RUFY3: variants seen among roughly 807,000 people sequenced by gnomAD.
RUFY3 encodes the protein protein RUFY3.
In RUFY3, 34 loss-of-function variants were observed where a neutral mutation model predicts 84.0. That is an observed-to-expected ratio of 0.40 (90% CI 0.31 to 0.54). The LOEUF (loss-of-function observed/expected upper bound fraction) is 0.54, where lower values mean the gene tolerates loss of function less well. RUFY3 is among the 20% of genes least tolerant of loss of function. The pLI is 0.39. For missense variants in RUFY3, 507 were observed against 736.8 expected, an observed-to-expected ratio of 0.69 and a Z score of 3.61; for synonymous variants, 242 against 252.9, an observed-to-expected ratio of 0.96 and a Z score of 0.41.
chr4:70,707,465 C>T (rs993631327), intron 1 of RUFY3, among the ~76,000 whole-genome samples: 2 of 152,122 alleles, frequency 1.3e-5, no homozygotes, highest in African/African-American at 4.8e-5. Context: ...AGGCTGTTAT[C>T]GAACTCCTGA....
At chr4:70,744,904 C>T (rs1721949007) in intron 1 of RUFY3, among the ~76,000 whole-genome samples, 1 of 151,880 alleles carries the variant, frequency 6.6e-6, no homozygotes, top group Admixed American at 6.6e-5. Context: ...ATGCGCCCGC[C>T]TCAGGCTCCC....
chr4:70,774,644 A>AAAAAAAAAAAAAT (rs1553916771), intron 6 of RUFY3, among the ~76,000 whole-genome samples: 2 of 56,678 alleles, frequency 3.5e-5, no homozygotes, highest in Non-Finnish European at 6.2e-5. Context: ...AAAAAAAAAA[A>AAAAAAAAAAAAAT]ATATATATAT....
intron 4 of RUFY3, among the ~76,000 whole-genome samples, chr4:70,768,200 A>G (rs1726320392): frequency 6.6e-6 from 1 of 152,178 alleles, no homozygotes. Context: ...CACAAGTACA[A>G]ATATGTCAGA....
intron 1 of RUFY3, among the ~76,000 whole-genome samples, chr4:70,747,363 T>A (rs997860278): frequency 6.6e-6 from 1 of 152,200 alleles, no homozygotes; most frequent in Admixed American, 6.5e-5. Flanking sequence ...ATACATAGCC[T>A]TACTATATAG....
chr4:70,748,419 C>T (rs1722580602), intron 1 of RUFY3, among the ~76,000 whole-genome samples: 1 of 152,178 alleles, frequency 6.6e-6, no homozygotes, highest in African/African-American at 2.4e-5. Context: ...TGAGATTTAT[C>T]ACACTTTTAT....
upstream of RUFY3, among the ~76,000 whole-genome samples, chr4:70,718,662 T>G (rs534149872): frequency 6.6e-6 from 1 of 152,224 alleles, no homozygotes; most frequent in Non-Finnish European, 1.5e-5. Context: ...TAACTTCATA[T>G]TCAAAGCTAA....
chr4:70,761,517 A>G (rs1355324356), intron 1 of RUFY3, among the ~76,000 whole-genome samples: 1 of 152,180 alleles, frequency 6.6e-6, no homozygotes, highest in African/African-American at 2.4e-5. Context: ...TTTACTCTCT[A>G]AGTCTCATTT....
intron 1 of RUFY3, among the ~76,000 whole-genome samples, chr4:70,729,446 C>A (rs935352197): frequency 6.6e-6 from 1 of 151,960 alleles, no homozygotes; most frequent in Non-Finnish European, 1.5e-5. Flanking sequence ...TTAGTAGAGA[C>A]GAGGTTTCCC....
At position 70,787,168 on chromosome 4, in the gene RUFY3, G is replaced by GAAAAAAAAAA. The variant is rs71211959; in HGVS notation, c.1072-1627_1072-1618dup. Reference sequence around the variant, plus strand: ...GGTGACAAAGTGAGACCCTGTCTCAGAAAAAAAAAAAAAAAAAAAATATAT... The same window carrying GAAAAAAAAAA: ...GGTGACAAAGTGAGACCCTGTCTCAGAAAAAAAAAAAAAAAAAAAAAAAAAAAAAATATAT... On this transcript the variant is annotated intron_variant, in intron 10 of 17. Transcript: ENST00000381006. Among the ~76,000 whole-genome samples, 44 of 52,998 alleles carry GAAAAAAAAAA rather than the reference G, an allele frequency of 8.3e-4. 3 individuals are homozygous for GAAAAAAAAAA. Among genetic ancestry groups the GAAAAAAAAAA allele is most frequent in the African/African-American group, 3.7e-3 (43 of 11,524 alleles). 34.8% of individuals were successfully genotyped at this position (52,998 alleles called of 152,430 possible).
intron 1 of RUFY3, among the ~76,000 whole-genome samples, chr4:70,728,896 T>A (rs77082855): frequency 1.3e-5 from 2 of 151,164 alleles, no homozygotes; most frequent in Non-Finnish European, 3.0e-5. Flanking sequence ...TTTTTTTTTT[T>A]AAATGAGGCC....
At chr4:70,794,244 A>G (rs1408818234) in intron 13 of RUFY3, among the ~76,000 whole-genome samples, 1 of 152,174 alleles carries the variant, frequency 6.6e-6, no homozygotes, top group African/African-American at 2.4e-5. Context: ...ATATCTTCAT[A>G]TCAACCCTAT....
At chr4:70,725,602 A>T (rs538896527) in intron 1 of RUFY3, among the ~76,000 whole-genome samples, 1 of 152,300 alleles carries the variant, frequency 6.6e-6, no homozygotes, top group South Asian at 2.1e-4. Flanking sequence ...AAGTGCTGGG[A>T]TTACAGGTGT....
intron 14 of RUFY3, among the ~76,000 whole-genome samples, chr4:70,796,428 C>T (rs1731517982): frequency 6.6e-6 from 1 of 152,166 alleles, no homozygotes; most frequent in South Asian, 2.1e-4. Flanking sequence ...GTTACATCTC[C>T]TGTTACAATT....
chr4:70,802,334 G>A (rs1228237989), intron 15 of RUFY3, among the ~76,000 whole-genome samples: 2 of 152,188 alleles, frequency 1.3e-5, no homozygotes, highest in Non-Finnish European at 2.9e-5. Flanking sequence ...AAGAACCATT[G>A]CAATCTGTAG....
chr4:70,795,395 A>C (rs1731377434), intron 14 of RUFY3, among the ~76,000 whole-genome samples: 1 of 152,180 alleles, frequency 6.6e-6, no homozygotes, highest in African/African-American at 2.4e-5. Context: ...GAGGAAAGGA[A>C]GGTAATACAG....
chr4:70,763,961 G>A (rs1201974700), intron 3 of RUFY3, among the ~76,000 whole-genome samples: 1 of 152,130 alleles, frequency 6.6e-6, no homozygotes, highest in Non-Finnish European at 1.5e-5. Context: ...GTGGCATGCT[G>A]TACTTGACTT....
intron 11 of RUFY3, 70 bp from the exon 12 acceptor site, chr4:70,789,425 C>T (rs1730449630): frequency 1.5e-6 from 2 of 1,355,696 alleles, no homozygotes; most frequent in African/African-American, 1.5e-5. Context: ...CCATTAGATT[C>T]AAAAGGCATG....
intron 1 of RUFY3, among the ~76,000 whole-genome samples, chr4:70,756,367 A>T (rs182538126): frequency 6.6e-6 from 1 of 152,298 alleles, no homozygotes; most frequent in Admixed American, 6.5e-5. Flanking sequence ...TCTAAAATTC[A>T]AATTTGTGAC....
intron 1 of RUFY3, among the ~76,000 whole-genome samples, chr4:70,743,271 C>T (rs899422008): frequency 1.3e-5 from 2 of 152,012 alleles, no homozygotes; most frequent in South Asian, 2.1e-4. Flanking sequence ...GGGGTTTCAA[C>T]ATGTTGGCCA....
Sources: gnomAD v4.1 joint callset for allele counts (sites outside exome capture counted in the v4.1 genomes callset) on GRCh38, gnomAD v4.1.1 for gene constraint, MANE v1.5 for transcripts, NCBI Gene and HGNC (gene_info 2026-07-23, HGNC 2026-07-21) for gene names.